CHN2: variants seen among roughly 807,000 people sequenced by gnomAD.
CHN2 encodes chimerin 2.
CHN2 carries 35 observed loss-of-function variants against 56.3 expected under a neutral mutation model. The observed-to-expected ratio is 0.62, with a 90% confidence interval of 0.47 to 0.82. The LOEUF (loss-of-function observed/expected upper bound fraction) is 0.82. CHN2 is among the 40% of genes least tolerant of loss of function. The probability of loss-of-function intolerance (pLI) is 0.00; values close to 1 mark genes in which losing one functional copy is unlikely to be tolerated. For missense variants in CHN2, 491 were observed against 580.5 expected (o/e 0.85, Z 1.58); for synonymous variants, 210 against 212.8 (o/e 0.99, Z 0.12).
Position 29,487,896 on chromosome 7 carries a change from T to G in CHN2, c.654+7540T>G, listed in dbSNP as rs1481667812. 5.1e-4 allele frequency among the ~76,000 whole-genome samples: 77 copies of G among 152,176 alleles called. 1 individual carries two copies. The highest frequency in any genetic ancestry group is 4.9e-3 in the Admixed American group (75 of 15,278). On this transcript the variant is annotated intron_variant, in intron 7 of 12. Coordinates refer to ENST00000222792, the MANE Select transcript of CHN2 (RefSeq NM_004067.4). ...GACTGAGAAACCTCACTACTGGCAA[T>G]GGGGAGCCACTCGAGGTTTTTGAGC...
chr7:29,389,978 C>T (rs139318987), intron 3 of CHN2, among the ~76,000 whole-genome samples: 4 of 145,866 alleles, frequency 2.7e-5, no homozygotes, highest in South Asian at 2.2e-4. Context: ...CATTTGAATC[C>T]GGGAGGTGGA....
chr7:29,176,555 C>T (rs931389218), intron 2 of CHN2, among the ~76,000 whole-genome samples: 4 of 151,988 alleles, frequency 2.6e-5, no homozygotes, highest in African/African-American at 9.7e-5. Context: ...AAAGTAAAGA[C>T]ATTTATAGAC....
rs1258569118 is a variant in CHN2, at chr7:29,372,609, A to G, written c.144+4622A>G. Reference sequence around the variant, plus strand: ...TAAATCAGTAAGTTTCAAAATGATGAAAAAAAAGGATAGCGATTGCTAGCA... The same window carrying G: ...TAAATCAGTAAGTTTCAAAATGATGGAAAAAAAGGATAGCGATTGCTAGCA... On this transcript the variant is annotated intron_variant, in intron 3 of 12. Transcript: ENST00000222792. Among the ~76,000 whole-genome samples the G allele has an allele frequency of 3.9e-5, 6 of 152,200 alleles. No individual in the cohort carries two copies. In the East Asian group the frequency reaches 7.7e-4, roughly 20 times the overall value.
chr7:29,259,031 A>G (rs1412140191), intron 1 of CHN2, among the ~76,000 whole-genome samples: 1 of 151,984 alleles, frequency 6.6e-6, no homozygotes, highest in Non-Finnish European at 1.5e-5. Flanking sequence ...CTTAAAAAAA[A>G]AAAAAAAAAG....
chr7:29,423,691 C>T (rs1305797277), intron 6 of CHN2, among the ~76,000 whole-genome samples: 1 of 152,202 alleles, frequency 6.6e-6, no homozygotes, highest in African/African-American at 2.4e-5. Flanking sequence ...TGCCTAATGG[C>T]AATATCATAG....
Position 29,273,343 on chromosome 7 carries a change from GTATATATATATATATATA to G in CHN2, c.49+78382_49+78399del, listed in dbSNP as rs55722880. Among the ~76,000 whole-genome samples the G allele has an allele frequency of 5.7e-3, 331 of 58,180 alleles. 10 individuals carry two copies. The highest frequency in any genetic ancestry group is 0.012 in the African/African-American group (183 of 15,592). The allele number at this position is 58,180 out of a possible 152,430, so 38.2% of individuals were successfully genotyped here. ...CCATCATGCATATATATATATATGTGTATATATATATATATATATATATATATATATATATATATATAT... is the reference window on the plus strand; with the variant it reads ...CCATCATGCATATATATATATATGTGTATATATATATATATATATATATAT... On this transcript the variant is annotated intron_variant, in intron 1 of 12. Coordinates refer to ENST00000222792, the MANE Select transcript of CHN2 (RefSeq NM_004067.4).
intron 1 of CHN2, among the ~76,000 whole-genome samples, chr7:29,215,708 T>C (rs1432912785): frequency 6.6e-6 from 1 of 151,960 alleles, no homozygotes; most frequent in Non-Finnish European, 1.5e-5. Flanking sequence ...TGAGTGTATG[T>C]GTATGTCATT....
Position 29,252,139 on chromosome 7 carries a change from AT to A in CHN2, c.49+57151del, listed in dbSNP as rs1411755462. Among the ~76,000 whole-genome samples the A allele has an allele frequency of 3.3e-5, 5 of 151,234 alleles. No homozygotes were observed. In the East Asian group the frequency reaches 7.8e-4, roughly 24 times the overall value. On this transcript the variant is annotated intron_variant, in intron 1 of 12. Transcript: ENST00000222792. ...CCTTAGAATGTGATCTTGTGATCTCATTATGCAAATTGGGCATAATAAAACC... is the reference window on the plus strand; with the variant it reads ...CCTTAGAATGTGATCTTGTGATCTCATATGCAAATTGGGCATAATAAAACC...
chr7:29,461,459 A>G (rs974505548), intron 6 of CHN2, among the ~76,000 whole-genome samples: 3 of 152,216 alleles, frequency 2.0e-5, no homozygotes, highest in African/African-American at 7.2e-5. Context: ...TTATACACAT[A>G]CAAACTCAAA....
intron 1 of CHN2, among the ~76,000 whole-genome samples, chr7:29,292,439 G>A (rs1421090256): frequency 6.6e-6 from 1 of 152,174 alleles, no homozygotes; most frequent in African/African-American, 2.4e-5. Context: ...TCTATTCTTT[G>A]ATCTTGGAAG....
intron 6 of CHN2, among the ~76,000 whole-genome samples, chr7:29,457,759 C>A (rs1275947451): frequency 6.6e-6 from 1 of 152,106 alleles, no homozygotes; most frequent in African/African-American, 2.4e-5. Context: ...GCTTAAACGT[C>A]CTGACATGGC....
chr7:29,479,799 CT>C, intron 6 of CHN2: 1 of 1,231,090 alleles, frequency 8.1e-7, no homozygotes, highest in Non-Finnish European at 1.0e-6. Context: ...CTGCCGGCCC[CT>C]GCCTCCCTGA....
intron 1 of CHN2, among the ~76,000 whole-genome samples, chr7:29,323,726 G>A (rs771492917): frequency 3.9e-5 from 6 of 151,944 alleles, no homozygotes; most frequent in Non-Finnish European, 7.4e-5. Flanking sequence ...GGCTGGGCGC[G>A]GTGGCTCACA....
chr7:29,223,426 C>T (rs933378501), intron 1 of CHN2, among the ~76,000 whole-genome samples: 15 of 152,110 alleles, frequency 9.9e-5, no homozygotes, highest in African/African-American at 3.6e-4. Flanking sequence ...CTAATTATCA[C>T]CACTCCCCAT....
At chr7:29,165,481 A>G (rs1035185873) in intron 2 of CHN2, among the ~76,000 whole-genome samples, 6 of 152,106 alleles carry the variant, frequency 3.9e-5, no homozygotes, top group African/African-American at 1.2e-4. Flanking sequence ...AATTTTCCAC[A>G]GTCATGTTGT....
chr7:29,358,297 C>T lies in CHN2; in HGVS notation c.88+3634C>T, dbSNP rs899563870. Among the ~76,000 whole-genome samples, 3 of 152,000 alleles carry T rather than the reference C, an allele frequency of 2.0e-5. No homozygotes were observed. In the South Asian group the frequency reaches 6.2e-4, roughly 32 times the overall value. On this transcript the variant is annotated intron_variant, in intron 2 of 12. Coordinates refer to ENST00000222792, the MANE Select transcript of CHN2 (RefSeq NM_004067.4). ...TTGTAGTCCTAGCTACTCGAAAAGG[C>T]TAAGGTGGGAGCATCACTTGAGCCC...
chr7:29,449,117 C>T (rs17696810), intron 6 of CHN2, among the ~76,000 whole-genome samples: 11,347 of 152,200 alleles, frequency 0.075, 580 homozygotes, highest in South Asian at 0.2. Context: ...AGTTATTTGC[C>T]GGCAAGTTAA....
At chr7:29,166,348 A>G (rs1427736035) in intron 2 of CHN2, among the ~76,000 whole-genome samples, 2 of 152,058 alleles carry the variant, frequency 1.3e-5, no homozygotes, top group Non-Finnish European at 2.9e-5. Flanking sequence ...AAAGTGTTTT[A>G]TCCTCTTTGA....
intron 1 of CHN2, among the ~76,000 whole-genome samples, chr7:29,259,404 T>C (rs1789365713): frequency 6.6e-6 from 1 of 151,698 alleles, no homozygotes; most frequent in Non-Finnish European, 1.5e-5. Flanking sequence ...TGTGTGAGTG[T>C]GGAGAGATCT....
Sources: gnomAD v4.1 joint callset for allele counts (sites outside exome capture counted in the v4.1 genomes callset) on GRCh38, gnomAD v4.1.1 for gene constraint, MANE v1.5 for transcripts, NCBI Gene and HGNC (gene_info 2026-07-23, HGNC 2026-07-21) for gene names.